ZNF623: variants seen among roughly 807,000 people sequenced by gnomAD.
ZNF623 encodes the protein zinc finger protein 623.
Under a neutral mutation model 24.0 loss-of-function variants are expected in ZNF623, and 16 were observed. That is an observed-to-expected ratio of 0.67 (90% CI 0.45 to 1.01). The LOEUF (loss-of-function observed/expected upper bound fraction) is 1.01, where lower values mean the gene tolerates loss of function less well. Among genes scored for constraint, ZNF623 ranks in the 50% least tolerant of loss-of-function variants. The pLI is 0.00. For missense variants in ZNF623, 566 were observed against 606.5 expected (o/e 0.93, Z 0.70); for synonymous variants, 224 against 219.8 (o/e 1.02, Z -0.17).
In ZNF623 at chr8:143,651,488, ATTAC is replaced by A; in HGVS notation, c.*8_*11del. On this transcript the variant is annotated 3_prime_UTR_variant, in exon 2 of 2. Coordinates refer to ENST00000526926, the MANE Select transcript of ZNF623 (RefSeq NM_001261843.2). The stretch of plus-strand genomic sequence containing the variant: ...GAACACACAGGTAACTTATAAAATA[ATTAC>A]TTTCCCGCCCAGTGAGTGATGTTTG... 2 of 1,548,874 alleles carry A rather than the reference ATTAC, an allele frequency of 1.3e-6. No individual in the cohort carries two copies. The highest frequency in any genetic ancestry group is 1.7e-6 in the Non-Finnish European group (2 of 1,152,032).
rs1229008226 is a variant in ZNF623, at chr8:143,650,681, A to G, written c.689A>G (p.Lys230Arg). 6.2e-7 allele frequency: 1 copy of G among 1,614,172 alleles called. No individual in the cohort carries two copies. Among genetic ancestry groups the G allele is most frequent in the East Asian group, 2.2e-5 (1 of 44,878 alleles). Residue 230 changes from lysine to arginine, a missense_variant, in exon 2 of 2, where the codon AAA (lysine) becomes AGA (arginine). By Grantham distance (26) the Lys-to-Arg change is conservative (BLOSUM62 2). Transcript: ENST00000526926. This position sits in a 1 kb window ranked among gnomAD's most constrained non-coding sequence, Gnocchi z 5.2. ...ERPYECNECG[K>R]SFIRSSSLIR... is the part of the protein sequence containing the mutation. The stretch of plus-strand genomic sequence containing the variant: ...CCCTATGAGTGCAATGAATGTGGGA[A>G]ATCCTTCATAAGGAGCTCGAGCCTC...
intron 1 of ZNF623, among the ~76,000 whole-genome samples, chr8:143,638,100 C>T (rs1300822683): frequency 1.3e-5 from 2 of 152,070 alleles, no homozygotes; most frequent in Non-Finnish European, 2.9e-5. Context: ...ATTTTAAAAA[C>T]TTTCTCTAGA....
Position 143,649,998 on chromosome 8 carries a change from G to C in ZNF623, c.6G>C (p.Glu2Asp), listed in dbSNP as rs1180745254. The C allele has an allele frequency of 2.5e-6, 4 of 1,614,098 alleles. No homozygotes were observed. Among genetic ancestry groups the C allele is most frequent in the African/African-American group, 2.7e-5 (2 of 74,928 alleles). M[E>D]LPSPESEEVH... Reference sequence around the variant, plus strand: ...CGTCAGACAGACTCACGGTGATGGAGCTCCCCTCTCCCGAGTCTGAGGAAG... The same window carrying C: ...CGTCAGACAGACTCACGGTGATGGACCTCCCCTCTCCCGAGTCTGAGGAAG... The change falls in exon 2 of 2, where the codon GAG (glutamate) becomes GAC (aspartate). Residue 2 changes from glutamate to aspartate, a missense_variant. Physicochemically the swap from Glu to Asp is conservative, Grantham distance 45. Coordinates refer to ENST00000526926, the MANE Select transcript of ZNF623 (RefSeq NM_001261843.2).
chr8:143,639,248 G>A (rs182940517), intron 1 of ZNF623, among the ~76,000 whole-genome samples: 4 of 151,082 alleles, frequency 2.6e-5, no homozygotes, highest in East Asian at 3.9e-4. Context: ...ATGGAGTTTC[G>A]CTCTTGTTGC....
At position 143,649,965 on chromosome 8, in the gene ZNF623, T is replaced by A; in HGVS notation, c.-28T>A. 3 of 1,614,062 alleles carry A rather than the reference T, an allele frequency of 1.9e-6. No homozygotes were observed. The highest frequency in any genetic ancestry group is 2.5e-6 in the Non-Finnish European group (3 of 1,179,958). On this transcript the variant is annotated 5_prime_UTR_variant, in exon 2 of 2. Transcript: ENST00000526926. ...GGATTTCTGAGGATGAAAACTCACA[T>A]AGGACGACGTCAGACAGACTCACGG... is the stretch of plus-strand genomic sequence containing the variant.
At chr8:143,645,177 C>T (rs1052310717) in intron 1 of ZNF623, among the ~76,000 whole-genome samples, 15 of 150,480 alleles carry the variant, frequency 1.0e-4, no homozygotes, top group South Asian at 6.3e-4. Context: ...AGCGTGGTGG[C>T]TCATGCCTGT....
At chr8:143,644,129 TC>T (rs1228258972) in intron 1 of ZNF623, among the ~76,000 whole-genome samples, 2 of 152,204 alleles carry the variant, frequency 1.3e-5, no homozygotes, top group African/African-American at 4.8e-5. Flanking sequence ...CAAGTGATTC[TC>T]CTGTCTCAGC....
Position 143,650,126 on chromosome 8 carries a change from A to G in ZNF623, c.134A>G (p.His45Arg). The stretch of plus-strand genomic sequence containing the variant: ...GGCTGCAAGCAGGTGACAGTGACCC[A>G]TTGGAAGATCCAGACAGGAGAGACA... The part of the protein sequence containing the change: ...DRGCKQVTVT[H>R]WKIQTGETAQ... The change falls in exon 2 of 2, where the codon CAT becomes CGT. Residue 45 changes from histidine to arginine, a missense_variant. Coordinates refer to ENST00000526926, the MANE Select transcript of ZNF623 (RefSeq NM_001261843.2). This position sits in a 1 kb window ranked among gnomAD's most constrained non-coding sequence, Gnocchi z 5.2. 2 of 1,614,166 alleles carry G rather than the reference A, an allele frequency of 1.2e-6. No homozygotes were observed. The highest frequency in any genetic ancestry group is 1.7e-6 in the Non-Finnish European group (2 of 1,180,040).
At chr8:143,649,850 C>T in intron 1 of ZNF623, 48 bp from the exon 2 acceptor site, 1 of 1,578,564 alleles carries the variant, frequency 6.3e-7, no homozygotes, top group Non-Finnish European at 8.6e-7. Context: ...CAGGAGATCC[C>T]CATCTGTTAA....
At chr8:143,639,279 G>A (rs867909429) in intron 1 of ZNF623, among the ~76,000 whole-genome samples, 20 of 152,202 alleles carry the variant, frequency 1.3e-4, no homozygotes, top group African/African-American at 4.3e-4. Flanking sequence ...GTGCAATGGC[G>A]TGATCTCAGC....
intron 1 of ZNF623, among the ~76,000 whole-genome samples, chr8:143,649,102 C>T (rs1032308785): frequency 6.6e-5 from 10 of 151,806 alleles, no homozygotes; most frequent in African/African-American, 2.2e-4. Context: ...ACGGTAAAAC[C>T]CCGTCTCTAC....
In ZNF623 at chr8:143,652,437, TCAGCTG is replaced by T. The variant is rs1256998361; in HGVS notation, c.*955_*960del. ...TTCTATACTGCCATTCTAAAAATTT[TCAGCTG>T]TTGGCTGTTTTTTTTGTTGTTTGTT... is the stretch of plus-strand genomic sequence containing the variant. On this transcript the variant is annotated 3_prime_UTR_variant, in exon 2 of 2. Transcript: ENST00000526926. 1.8e-5 allele frequency: 3 copies of T among 167,132 alleles called. No homozygotes were observed. Among genetic ancestry groups the T allele is most frequent in the African/African-American group, 7.2e-5 (3 of 41,468 alleles). 10.4% of individuals were successfully genotyped at this position (167,132 alleles called of 1,614,324 possible).
intron 1 of ZNF623, among the ~76,000 whole-genome samples, chr8:143,648,693 G>A (rs186397286): frequency 6.6e-6 from 1 of 152,160 alleles, no homozygotes; most frequent in Admixed American, 6.5e-5. Context: ...ACACACAAGT[G>A]GAAGTGTTGC....
Position 143,650,168 on chromosome 8 carries a change from A to G in ZNF623, c.176A>G (p.Lys59Arg), listed in dbSNP as rs779506484. 1 of 1,614,236 alleles carries G rather than the reference A, an allele frequency of 6.2e-7. No individual in the cohort carries two copies. The highest frequency in any genetic ancestry group is 1.1e-5 in the South Asian group (1 of 91,088). The change falls in exon 2 of 2, where the codon AAG (lysine) becomes AGG (arginine). Residue 59 changes from lysine (K) to arginine (R), a missense_variant. Lys to Arg is a conservative substitution (Grantham distance 26, BLOSUM62 2). Around this residue, in one of 3 missense-constraint regions of ZNF623, gnomAD observed 313 missense variants for 300.4 expected, o/e 1.04. Coordinates refer to ENST00000526926, the MANE Select transcript of ZNF623 (RefSeq NM_001261843.2). The surrounding 1 kb of genome is among the most constrained non-coding windows in gnomAD (Gnocchi z 5.2). ...GGAGAGACAGCTCAAGTGTGCACCAAGTCAGGAAGAAACCATATTCTGAAC... is the reference window on the plus strand; with the variant it reads ...GGAGAGACAGCTCAAGTGTGCACCAGGTCAGGAAGAAACCATATTCTGAAC... The part of the protein sequence containing the change: ...QTGETAQVCT[K>R]SGRNHILNSD...
At position 143,651,109 on chromosome 8, in the gene ZNF623, C is replaced by T; in HGVS notation, c.1117C>T (p.Leu373Phe). ...YECKECGKAF[L>F]QKAHLTEHQK... ...ATGTAAGGAATGTGGGAAAGCGTTTCTCCAGAAAGCCCATCTCACTGAGCA... is the reference window on the plus strand; with the variant it reads ...ATGTAAGGAATGTGGGAAAGCGTTTTTCCAGAAAGCCCATCTCACTGAGCA... The change falls in exon 2 of 2, where the codon CTC becomes TTC. Residue 373 changes from leucine to phenylalanine, a missense_variant. Physicochemically the swap from Leu to Phe is conservative, Grantham distance 22. This residue lies in a region of ZNF623 where 117 missense variants were observed against 174.2 expected (regional missense o/e 0.67). Coordinates refer to ENST00000526926, the MANE Select transcript of ZNF623 (RefSeq NM_001261843.2). The T allele has an allele frequency of 6.2e-7, 1 of 1,614,086 alleles. No individual in the cohort carries two copies. Among genetic ancestry groups the T allele is most frequent in the South Asian group, 1.1e-5 (1 of 91,082 alleles).
At chr8:143,639,366 A>C (rs1042993747) in intron 1 of ZNF623, among the ~76,000 whole-genome samples, 1 of 151,100 alleles carries the variant, frequency 6.6e-6, no homozygotes, top group African/African-American at 2.4e-5. Flanking sequence ...TGGGATTACA[A>C]GCATGTGCCA....
At position 143,650,462 on chromosome 8, in the gene ZNF623, A is replaced by G. The variant is rs1587334119; in HGVS notation, c.470A>G (p.His157Arg). ...DFIHYSGLIE[H>R]QRVHSGEKPF... ...ATTCACTATTCAGGTCTCATTGAGCATCAGCGCGTTCATTCAGGAGAAAAG... is the reference window on the plus strand; with the variant it reads ...ATTCACTATTCAGGTCTCATTGAGCGTCAGCGCGTTCATTCAGGAGAAAAG... Residue 157 changes from histidine to arginine, a missense_variant, in exon 2 of 2, where the codon CAT becomes CGT. Physicochemically the swap from His to Arg is conservative, Grantham distance 29. Transcript: ENST00000526926. This position sits in a 1 kb window ranked among gnomAD's most constrained non-coding sequence, Gnocchi z 5.2. The G allele has an allele frequency of 6.2e-7, 1 of 1,614,180 alleles. No homozygotes were observed. The highest frequency in any genetic ancestry group is 2.2e-5 in the East Asian group (1 of 44,878).
At position 143,651,232 on chromosome 8, in the gene ZNF623, A is replaced by G; in HGVS notation, c.1240A>G (p.Thr414Ala). Residue 414 changes from threonine to alanine, a missense_variant, in exon 2 of 2, where the codon ACT (threonine) becomes GCT (alanine). Thr to Ala is a moderately conservative substitution (Grantham distance 58). Transcript: ENST00000526926. ...GCTGCTTCTGCACCAGATTATTCAC[A>G]CTGGAGAAAAGCCCTATGTGTGCAG... ...SKLLLHQIIH[T>A]GEKPYVCSYC... 1.9e-6 allele frequency: 3 copies of G among 1,614,172 alleles called. No homozygotes were observed. The highest frequency in any genetic ancestry group is 2.5e-6 in the Non-Finnish European group (3 of 1,180,030).
At chr8:143,637,498 A>C (rs1814951638) in intron 1 of ZNF623, among the ~76,000 whole-genome samples, 3 of 152,178 alleles carry the variant, frequency 2.0e-5, no homozygotes, top group Admixed American at 1.3e-4. Context: ...GTGGCTGCTG[A>C]TGATACACAA....
Sources: allele counts gnomAD v4.1 joint callset (sites outside exome capture counted in the v4.1 genomes callset), GRCh38; gene constraint gnomAD v4.1.1; regional missense constraint gnomAD v4.1.1; non-coding constraint Gnocchi (gnomAD v3.1); transcripts MANE v1.5; gene names NCBI Gene and HGNC (gene_info 2026-07-23, HGNC 2026-07-21).